ARMH4: variants seen among roughly 807,000 people sequenced by gnomAD.
ARMH4 encodes armadillo like helical domain containing 4.
In ARMH4, 49 loss-of-function variants were observed where a neutral mutation model predicts 61.9. The ratio of observed to expected loss-of-function variants is 0.79; its 90% CI spans 0.63 to 1.00. The LOEUF is 1.00. Ranked by LOEUF, ARMH4 falls within the 50% of genes least tolerant of loss-of-function variation. ARMH4 has a pLI of 0.00. For synonymous variants in ARMH4, 368 were observed against 341.5 expected, an observed-to-expected ratio of 1.08 and a Z score of -0.85; for missense variants, 934 against 930.0, an observed-to-expected ratio of 1.00 and a Z score of -0.06.
rs138767819 is a variant in ARMH4, at chr14:58,095,535, A to G, written c.2089+1189T>C. On this transcript the variant is annotated intron_variant, in intron 5 of 7. Transcript: ENST00000267485. ...GATATTATAATGTTTTGATACCCTT[A>G]TAAGTTTTTACCAGTTTCATGTGAC... 8.9e-3 allele frequency among the ~76,000 whole-genome samples: 1,351 copies of G among 152,312 alleles called. 17 individuals carry two copies. Among genetic ancestry groups the G allele is most frequent in the African/African-American group, 0.031 (1,278 of 41,574 alleles).
At chr14:58,112,286 C>CT (rs375451865) in intron 4 of ARMH4, among the ~76,000 whole-genome samples, 12,305 of 133,254 alleles carry the variant, frequency 0.092, 563 homozygotes, top group Middle Eastern at 0.17. Flanking sequence ...CTTAATTTTT[C>CT]TTTTTTTTTT....
At chr14:58,074,277 T>C (rs948568702) in intron 5 of ARMH4, among the ~76,000 whole-genome samples, 3 of 152,192 alleles carry the variant, frequency 2.0e-5, no homozygotes, top group African/African-American at 7.2e-5. Context: ...AACTTATGCT[T>C]GCAATTCATC....
At chr14:58,062,322 G>C (rs1208732546) in intron 5 of ARMH4, among the ~76,000 whole-genome samples, 2 of 152,194 alleles carry the variant, frequency 1.3e-5, no homozygotes, top group Admixed American at 6.5e-5. Context: ...CTGAGTGACA[G>C]AGTAAGACTC....
intron 5 of ARMH4, among the ~76,000 whole-genome samples, chr14:58,085,208 C>T (rs144648739): frequency 1.3e-5 from 2 of 152,058 alleles, no homozygotes; most frequent in African/African-American, 4.8e-5. Flanking sequence ...AGATAAGGAC[C>T]CATTTTGACT....
intron 4 of ARMH4, among the ~76,000 whole-genome samples, chr14:58,120,386 G>T (rs914821158): frequency 5.9e-5 from 9 of 151,698 alleles, no homozygotes; most frequent in Non-Finnish European, 1.3e-4. Flanking sequence ...GACACACAGG[G>T]GTATACACCA....
chr14:58,005,775 G>A (rs1882148519), intron 6 of ARMH4, among the ~76,000 whole-genome samples: 4 of 152,226 alleles, frequency 2.6e-5, no homozygotes. Flanking sequence ...AAGGCAAGAG[G>A]AGGAATGTTA....
chr14:58,011,360 C>A (rs1216993721), intron 6 of ARMH4, among the ~76,000 whole-genome samples: 1 of 152,054 alleles, frequency 6.6e-6, no homozygotes, highest in Non-Finnish European at 1.5e-5. Context: ...GGAATGCCAT[C>A]AACAGAAATA....
Position 58,004,591 on chromosome 14 carries a change from A to G in ARMH4, c.*145T>C. 1.5e-6 allele frequency: 1 copy of G among 668,450 alleles called. No individual in the cohort carries two copies. 41.4% of individuals were successfully genotyped at this position (668,450 alleles called of 1,614,324 possible). On this transcript the variant is annotated 3_prime_UTR_variant, in exon 8 of 8. Coordinates refer to ENST00000267485, the MANE Select transcript of ARMH4 (RefSeq NM_001001872.4). ...ATGCCATTTCTGCTCAGTACAAGAAAAATCTACTACCCAGCACCCAGCAGA... is the reference window on the plus strand; with the variant it reads ...ATGCCATTTCTGCTCAGTACAAGAAGAATCTACTACCCAGCACCCAGCAGA...
At chr14:58,063,210 T>A (rs1032607981) in intron 5 of ARMH4, among the ~76,000 whole-genome samples, 7 of 152,218 alleles carry the variant, frequency 4.6e-5, no homozygotes, top group African/African-American at 1.7e-4. Flanking sequence ...TGTCTCCATG[T>A]CTTCTCATGG....
At position 58,148,427 on chromosome 14, in the gene ARMH4, C is replaced by T. The variant is rs568193888; in HGVS notation, c.-57+3648G>A. ...ATCCAAACCCTGGCCTCCCAGGTCA[C>T]ATCCCATTCTGGCCCATTCTTTCCC... On this transcript the variant is annotated intron_variant, in intron 1 of 7. Transcript: ENST00000267485. Among the ~76,000 whole-genome samples, 12 of 152,348 alleles carry T rather than the reference C, an allele frequency of 7.9e-5. No individual in the cohort carries two copies. In the South Asian group the frequency reaches 2.5e-3, roughly 32 times the overall value.
intron 4 of ARMH4, among the ~76,000 whole-genome samples, chr14:58,108,823 C>G (rs1886251791): frequency 6.6e-6 from 1 of 152,194 alleles, no homozygotes; most frequent in South Asian, 2.1e-4. Flanking sequence ...AGATAAATGT[C>G]CCTAGCTCCA....
intron 5 of ARMH4, among the ~76,000 whole-genome samples, chr14:58,063,453 G>A (rs1483918622): frequency 6.6e-6 from 1 of 152,204 alleles, no homozygotes; most frequent in Non-Finnish European, 1.5e-5. Flanking sequence ...GTTCAAGGGG[G>A]AGAGTTTTTC....
At position 58,152,113 on chromosome 14, in the gene ARMH4, GCAGCGGCGGCGCGGGCGCTCGGCATCC is replaced by G. The variant is rs1476751142; in HGVS notation, c.-122_-96del. 6.3e-6 allele frequency: 1 copy of G among 159,208 alleles called. No individual in the cohort carries two copies. The highest frequency in any genetic ancestry group is 1.4e-5 in the Non-Finnish European group (1 of 73,516). The allele number at this position is 159,208 out of a possible 1,614,324, so 9.9% of individuals were successfully genotyped here. On this transcript the variant is annotated 5_prime_UTR_variant, in exon 1 of 8. An upstream start codon of the reference 5' UTR is lost. Coordinates refer to ENST00000267485, the MANE Select transcript of ARMH4 (RefSeq NM_001001872.4). ...GCTGAGCAGCGCGCGGAGGACAGAG[GCAGCGGCGGCGCGGGCGCTCGGCATCC>G]CAGCGGCGGGCCCTGCGGCGGCGGC... is the stretch of plus-strand genomic sequence containing the variant.
In ARMH4 at chr14:58,128,860, G is replaced by T. The variant is rs551604313; in HGVS notation, c.1831+2652C>A. Among the ~76,000 whole-genome samples, 6 of 152,240 alleles carry T rather than the reference G, an allele frequency of 3.9e-5. No homozygotes were observed. In the East Asian group the frequency reaches 9.6e-4, roughly 24 times the overall value. Reference sequence around the variant, plus strand: ...TGAATGTGACCATATTTGAAAACAGGGTCTTGGCATACATAATTAACATGA... The same window carrying T: ...TGAATGTGACCATATTTGAAAACAGTGTCTTGGCATACATAATTAACATGA... On this transcript the variant is annotated intron_variant, in intron 4 of 7. Transcript: ENST00000267485.
rs553903640 is a variant in ARMH4 at position 58,032,785 on chromosome 14, G to A, written c.2090-20635C>T. The stretch of plus-strand genomic sequence containing the variant: ...GTTCCCTTTCCGAGTCAAAGAAAGA[G>A]GTGACGGACGCACCTGGAAAATCAG... On this transcript the variant is annotated intron_variant, in intron 5 of 7. Coordinates refer to ENST00000267485, the MANE Select transcript of ARMH4 (RefSeq NM_001001872.4). 7.9e-5 allele frequency among the ~76,000 whole-genome samples: 12 copies of A among 152,278 alleles called. No individual in the cohort carries two copies. In the South Asian group the frequency reaches 1.0e-3, roughly 13 times the overall value.
intron 5 of ARMH4, among the ~76,000 whole-genome samples, chr14:58,036,599 G>A (rs1258146480): frequency 4.0e-5 from 5 of 125,868 alleles, no homozygotes; most frequent in Non-Finnish European, 8.6e-5. Flanking sequence ...TAGGAAAAGA[G>A]GAAGTCAAAT....
At chr14:58,028,026 T>A (rs1883083156) in intron 5 of ARMH4, among the ~76,000 whole-genome samples, 1 of 152,132 alleles carries the variant, frequency 6.6e-6, no homozygotes. Flanking sequence ...CCTTTTTTAA[T>A]CCCTTAAGCA....
chr14:58,009,055 A>C (rs925052255), intron 6 of ARMH4, among the ~76,000 whole-genome samples: 4 of 152,196 alleles, frequency 2.6e-5, no homozygotes, highest in African/African-American at 4.8e-5. Flanking sequence ...TTAATGATGG[A>C]ATTAATACAG....
At chr14:58,022,419 G>A (rs1464532710) in intron 5 of ARMH4, among the ~76,000 whole-genome samples, 2 of 152,138 alleles carry the variant, frequency 1.3e-5, no homozygotes, top group African/African-American at 4.8e-5. Context: ...CATGTTCCAG[G>A]GATTAAGAGG....
Sources: allele counts gnomAD v4.1 joint callset (sites outside exome capture counted in the v4.1 genomes callset), GRCh38; gene constraint gnomAD v4.1.1; transcripts MANE v1.5; gene names NCBI Gene and HGNC (gene_info 2026-07-23, HGNC 2026-07-21).